Variants in ADAMTS20 observed in about 807,000 individuals in gnomAD.
The protein encoded by ADAMTS20 is ADAM metallopeptidase with thrombospondin type 1 motif 20.
ADAMTS20 carries 225 observed loss-of-function variants against 260.1 expected under a neutral mutation model. That is an observed-to-expected ratio of 0.87 (90% CI 0.78 to 0.97). The LOEUF (loss-of-function observed/expected upper bound fraction) is 0.97, where lower values mean the gene tolerates loss of function less well. Among genes scored for constraint, ADAMTS20 ranks in the 50% least tolerant of loss-of-function variants. ADAMTS20 has a pLI of 0.00. For missense variants in ADAMTS20, 2,400 were observed against 2,337.7 expected (o/e 1.03, Z -0.55); for synonymous variants, 802 against 769.5 (o/e 1.04, Z -0.70).
In ADAMTS20 at chr12:43,530,731, T is replaced by C. The variant is rs555153677; in HGVS notation, c.613+1305A>G. 1.1e-4 allele frequency among the ~76,000 whole-genome samples: 16 copies of C among 152,266 alleles called. No individual in the cohort carries two copies. In the South Asian group the frequency reaches 2.3e-3, roughly 22 times the overall value. Reference sequence around the variant, plus strand: ...CATGTCATTCTATGAATCATGAAGATACATGTACCTTATATGGACACAACT... The same window carrying C: ...CATGTCATTCTATGAATCATGAAGACACATGTACCTTATATGGACACAACT... On this transcript the variant is annotated intron_variant, in intron 3 of 38. Transcript: ENST00000389420.
At chr12:43,509,602 G>T (rs933623004) in intron 3 of ADAMTS20, among the ~76,000 whole-genome samples, 11 of 151,996 alleles carry the variant, frequency 7.2e-5, no homozygotes, top group Non-Finnish European at 7.4e-5. Context: ...TCATATATGG[G>T]TATAATAACA....
chr12:43,417,930 C>T (rs1396997271), intron 28 of ADAMTS20, among the ~76,000 whole-genome samples: 1 of 152,188 alleles, frequency 6.6e-6, no homozygotes, highest in East Asian at 1.9e-4. Flanking sequence ...TATATGAACT[C>T]TATCATACGT....
At chr12:43,518,126 T>G (rs80197601) in intron 3 of ADAMTS20, among the ~76,000 whole-genome samples, 6,056 of 152,110 alleles carry the variant, frequency 0.04, 377 homozygotes, top group African/African-American at 0.14. Flanking sequence ...TTTTTCTTAA[T>G]GAAGATTTTC....
In ADAMTS20 at chr12:43,493,189, A is replaced by G. The variant is rs1306070377; in HGVS notation, c.932T>C (p.Val311Ala). 1.9e-6 allele frequency: 3 copies of G among 1,562,332 alleles called. No individual in the cohort carries two copies. Among genetic ancestry groups the G allele is most frequent in the East Asian group, 2.3e-5 (1 of 42,928 alleles). The change falls in exon 5 of 39, where the codon GTT becomes GCT. Residue 311 changes from valine (V) to alanine (A), a missense_variant. Val to Ala is a moderately conservative substitution (Grantham distance 64). Transcript: ENST00000389420. ...NLIHIVVVKL[V>A]MIHREEEGPV... ...TCTTACCTCCTCACGGTGAATCATAACTAATTTTACCACTACTATGTGTAT... is the reference window on the plus strand; with the variant it reads ...TCTTACCTCCTCACGGTGAATCATAGCTAATTTTACCACTACTATGTGTAT...
At chr12:43,375,300 C>A in intron 36 of ADAMTS20, 79 bp downstream of exon 36, 1 of 1,445,992 alleles carries the variant, frequency 6.9e-7, no homozygotes, top group Non-Finnish European at 9.3e-7. Context: ...ACCCTGGCTA[C>A]AACATATACC....
chr12:43,461,361 A>G (rs1409284656), intron 11 of ADAMTS20, among the ~76,000 whole-genome samples: 2 of 152,096 alleles, frequency 1.3e-5, no homozygotes, highest in Admixed American at 6.6e-5. Flanking sequence ...GTGCATCCAC[A>G]TTTGTTAAAA....
intron 7 of ADAMTS20, among the ~76,000 whole-genome samples, chr12:43,479,554 ATTTAAATGCATT>A (rs1243010479): frequency 6.6e-6 from 1 of 152,138 alleles, no homozygotes; most frequent in Non-Finnish European, 1.5e-5. Flanking sequence ...ATTCATAAAT[ATTTAAATGCATT>A]TTTATGTAAT....
rs142233635 is a variant in ADAMTS20, at chr12:43,465,083, T to A, written c.1368-351A>T. ...GGTCTACTTTGCTATCCAATAGTAA[T>A]GCCTCAAGTGTAATGACTAACTGTT... On this transcript the variant is annotated intron_variant, in intron 9 of 38. Coordinates refer to ENST00000389420, the MANE Select transcript of ADAMTS20 (RefSeq NM_025003.5). Among the ~76,000 whole-genome samples the A allele has an allele frequency of 2.9e-3, 437 of 152,292 alleles. 2 individuals are homozygous for A. Among genetic ancestry groups the A allele is most frequent in the African/African-American group, 9.7e-3 (402 of 41,586 alleles).
intron 7 of ADAMTS20, among the ~76,000 whole-genome samples, chr12:43,487,955 G>GA (rs1336874703): frequency 2.0e-5 from 3 of 152,086 alleles, no homozygotes; most frequent in African/African-American, 7.2e-5. Flanking sequence ...CAGATTCTAA[G>GA]AAAAAGAGAG....
At chr12:43,517,782 C>A (rs1943019430) in intron 3 of ADAMTS20, among the ~76,000 whole-genome samples, 1 of 151,982 alleles carries the variant, frequency 6.6e-6, no homozygotes. Context: ...AGACTTATAA[C>A]AGAGCTATAA....
chr12:43,495,271 G>A (rs1272287648), intron 4 of ADAMTS20, among the ~76,000 whole-genome samples: 1 of 152,132 alleles, frequency 6.6e-6, no homozygotes, highest in East Asian at 1.9e-4. Flanking sequence ...CTAAGGAAAA[G>A]ATAATGCAAA....
At chr12:43,387,655 G>T (rs1013631287) in intron 29 of ADAMTS20, among the ~76,000 whole-genome samples, 1 of 152,280 alleles carries the variant, frequency 6.6e-6, no homozygotes, top group African/African-American at 2.4e-5. Context: ...TCCTGAATGG[G>T]GCTGCTATCT....
At chr12:43,540,767 T>C (rs1006853105) in intron 2 of ADAMTS20, among the ~76,000 whole-genome samples, 4 of 152,164 alleles carry the variant, frequency 2.6e-5, no homozygotes, top group African/African-American at 9.7e-5. Flanking sequence ...AACACTTTCT[T>C]TCAATGACTA....
At chr12:43,498,133 A>C (rs1030152304) in intron 4 of ADAMTS20, among the ~76,000 whole-genome samples, 1 of 152,258 alleles carries the variant, frequency 6.6e-6, no homozygotes, top group East Asian at 1.9e-4. Flanking sequence ...CTATTTCACT[A>C]GATATATTAG....
chr12:43,415,281 T>C (rs1162958559), intron 28 of ADAMTS20, among the ~76,000 whole-genome samples: 7 of 152,136 alleles, frequency 4.6e-5, no homozygotes, highest in African/African-American at 4.8e-5. Context: ...ATAGGCGTGT[T>C]CACTTTGGAA....
At chr12:43,396,414 T>C (rs540309893) in intron 29 of ADAMTS20, among the ~76,000 whole-genome samples, 202 of 152,206 alleles carry the variant, frequency 1.3e-3, no homozygotes, top group Non-Finnish European at 2.4e-3. Flanking sequence ...AGTGATTATC[T>C]TGTAACTACC....
At chr12:43,356,637 T>A (rs1458537904) in intron 37 of ADAMTS20, 49 bp from the exon 38 acceptor site, 2 of 1,360,480 alleles carry the variant, frequency 1.5e-6, no homozygotes, top group African/African-American at 2.9e-5. Flanking sequence ...TACAAAATAT[T>A]TGATTACAAA....
intron 2 of ADAMTS20, among the ~76,000 whole-genome samples, chr12:43,539,609 T>G (rs2137518494): frequency 6.6e-6 from 1 of 152,314 alleles, no homozygotes; most frequent in South Asian, 2.1e-4. Context: ...ACACCAATAC[T>G]CTAGCATTCT....
intron 7 of ADAMTS20, among the ~76,000 whole-genome samples, chr12:43,476,877 G>T (rs909277335): frequency 3.0e-4 from 45 of 151,050 alleles, no homozygotes; most frequent in Non-Finnish European, 5.0e-4. Flanking sequence ...GATAGCATTG[G>T]GAGATATACC....
Sources: allele counts gnomAD v4.1 joint callset (sites outside exome capture counted in the v4.1 genomes callset), GRCh38; gene constraint gnomAD v4.1.1; transcripts MANE v1.5; gene names NCBI Gene and HGNC (gene_info 2026-07-23, HGNC 2026-07-21).